ARID1B: variants seen among roughly 807,000 people sequenced by gnomAD.
The protein encoded by ARID1B is AT-rich interaction domain 1B, also known as AT-rich interactive domain-containing protein 1B.
A neutral mutation model predicts 212.3 loss-of-function variants in ARID1B; 30 were observed. The observed-to-expected ratio is 0.14, with a 90% CI of 0.11 to 0.19. ARID1B has a LOEUF of 0.19. Among genes scored for constraint, ARID1B ranks in the 10% least tolerant of loss-of-function variants. The pLI, the probability that ARID1B is intolerant of heterozygous loss-of-function variation, is 1.00. For missense variants in ARID1B, 2,891 were observed against 3,204.0 expected, an observed-to-expected ratio of 0.90 and a Z score of 2.36; for synonymous variants, 1,402 against 1,301.7, an observed-to-expected ratio of 1.08 and a Z score of -1.66.
intron 6 of ARID1B, among the ~76,000 whole-genome samples, chr6:157,117,578 C>T (rs1051333664): frequency 6.6e-6 from 1 of 152,174 alleles, no homozygotes; most frequent in Admixed American, 6.5e-5. Context: ...GCATGGCCCT[C>T]GGTGTTCATC....
chr6:156,821,180 G>A (rs1031517151), intron 1 of ARID1B, among the ~76,000 whole-genome samples: 1 of 152,340 alleles, frequency 6.6e-6, no homozygotes, highest in Admixed American at 6.5e-5. Context: ...CGGAGATAAA[G>A]ACCAACTTCT....
At chr6:156,929,145 G>A (rs1000140164) in intron 3 of ARID1B, among the ~76,000 whole-genome samples, 1 of 152,146 alleles carries the variant, frequency 6.6e-6, no homozygotes, top group African/African-American at 2.4e-5. Flanking sequence ...TCTTGTGGTG[G>A]TGTCGTTAGG....
In ARID1B at chr6:157,106,104, A is replaced by C. The variant is rs138175220; in HGVS notation, c.2492-4368A>C. Among the ~76,000 whole-genome samples the C allele has an allele frequency of 2.6e-3, 396 of 152,224 alleles. 3 individuals carry two copies. Among genetic ancestry groups the C allele is most frequent in the African/African-American group, 9.0e-3 (373 of 41,528 alleles). On this transcript the variant is annotated intron_variant, in intron 5 of 19. Coordinates refer to ENST00000636930, the MANE Select transcript of ARID1B (RefSeq NM_001374828.1). ...ACCCCAGCAATACAAAAATACATCC[A>C]CAAAAGACTGGAAACTGTCTAAATG...
intron 1 of ARID1B, among the ~76,000 whole-genome samples, chr6:156,809,280 T>C (rs1480792613): frequency 1.3e-5 from 2 of 152,176 alleles, no homozygotes; most frequent in Non-Finnish European, 2.9e-5. Context: ...TCATGTGCTA[T>C]GTGAGAGATG....
chr6:156,988,725 T>A (rs2128399264), intron 4 of ARID1B, among the ~76,000 whole-genome samples: 1 of 152,278 alleles, frequency 6.6e-6, no homozygotes, highest in East Asian at 1.9e-4. Context: ...GGAAGTGCGC[T>A]TCAATCACTT....
In ARID1B at chr6:157,203,748, G is replaced by A; in HGVS notation, c.5264-118G>A. 1 of 1,276,976 alleles carries A rather than the reference G, an allele frequency of 7.8e-7. No individual in the cohort carries two copies. The highest frequency in any genetic ancestry group is 1.1e-6 in the Non-Finnish European group (1 of 897,798). 79.1% of individuals were successfully genotyped at this position (1,276,976 alleles called of 1,614,324 possible). ...CGCTTAACTGTCCTTGAGAGCATTT[G>A]TTTAAAGTCAATATTTAACTTAACA... On this transcript the variant is annotated intron_variant, in intron 18 of 19. Coordinates refer to ENST00000636930, the MANE Select transcript of ARID1B (RefSeq NM_001374828.1). The surrounding 1 kb of genome is among the most constrained non-coding windows in gnomAD (Gnocchi z 4.4).
In ARID1B at chr6:157,011,328, A is replaced by G. The variant is rs531726316; in HGVS notation, c.2248-73334A>G. On this transcript the variant is annotated intron_variant, in intron 4 of 19. Coordinates refer to ENST00000636930, the MANE Select transcript of ARID1B (RefSeq NM_001374828.1). ...TAATTAATTGTCCAAAAAGTATTGT[A>G]GTTCTATGATAAATTCCCTTGCATA... Among the ~76,000 whole-genome samples the G allele has an allele frequency of 5.9e-5, 9 of 152,346 alleles. No individual in the cohort carries two copies. In the East Asian group the frequency reaches 1.7e-3, roughly 29 times the overall value.
In ARID1B at chr6:156,778,545, G is replaced by A. The variant is rs1271569386; in HGVS notation, c.865G>A (p.Gly289Ser). ...CGGCCGCTACGAGCACCCGGGCTTGGGCGCCCTGGGCACGCAGCAGCCGCC... is the reference window on the plus strand; with the variant it reads ...CGGCCGCTACGAGCACCCGGGCTTGAGCGCCCTGGGCACGCAGCAGCCGCC... ...AGGRYEHPGLGALGTQQPPVA... is the reference protein window; with the variant it reads ...AGGRYEHPGLSALGTQQPPVA... Residue 289 changes from glycine to serine, a missense_variant, in exon 1 of 20, where the codon GGC becomes AGC. By Grantham distance (56) the Gly-to-Ser change is moderately conservative. Transcript: ENST00000636930. 2.5e-5 allele frequency: 31 copies of A among 1,231,594 alleles called. No homozygotes were observed. The highest frequency in any genetic ancestry group is 3.7e-5 in the South Asian group (1 of 27,028). The allele number at this position is 1,231,594 out of a possible 1,614,324, so 76.3% of individuals were successfully genotyped here. A position where few individuals can be genotyped will look rare whatever the true frequency, so the allele number is the denominator to read the frequency against.
chr6:157,004,253 G>A (rs1306267964), intron 4 of ARID1B, among the ~76,000 whole-genome samples: 1 of 152,074 alleles, frequency 6.6e-6, no homozygotes, highest in African/African-American at 2.4e-5. Context: ...CACATGCTAC[G>A]ATGTTTTCCA....
chr6:156,824,754 G>C (rs1057058196), intron 1 of ARID1B, among the ~76,000 whole-genome samples: 2 of 152,110 alleles, frequency 1.3e-5, no homozygotes, highest in African/African-American at 4.8e-5. Context: ...GACAGAGCGA[G>C]ACCCTGTCTC....
At position 157,148,697 on chromosome 6, in the gene ARID1B, T is replaced by A. The variant is rs1789975343; in HGVS notation, c.2835T>A (p.Gly945=). Residue 945 remains glycine, a synonymous_variant, in exon 8 of 20, where the codon GGT becomes GGA. Coordinates refer to ENST00000636930, the MANE Select transcript of ARID1B (RefSeq NM_001374828.1). The surrounding 1 kb of genome is among the most constrained non-coding windows in gnomAD (Gnocchi z 5.6). ...ACAGCGGCCCAGGGCCCGGTATGGG[T>A]ATCAGTGCCAACAACCAGATGCATG... The part of the protein sequence containing the change: ...ASYSGPGPGM[G]ISANNQMHGQ... The A allele has an allele frequency of 6.2e-7, 1 of 1,612,888 alleles. No homozygotes were observed. The highest frequency in any genetic ancestry group is 8.5e-7 in the Non-Finnish European group (1 of 1,179,822).
At chr6:157,042,783 C>G (rs549530930) in intron 4 of ARID1B, among the ~76,000 whole-genome samples, 1 of 151,968 alleles carries the variant, frequency 6.6e-6, no homozygotes, top group South Asian at 2.1e-4. Flanking sequence ...CTCAGCCTCC[C>G]AAGTAGCTGG....
chr6:156,820,625 A>G (rs1782287622), intron 1 of ARID1B, among the ~76,000 whole-genome samples: 1 of 152,230 alleles, frequency 6.6e-6, no homozygotes, highest in South Asian at 2.1e-4. Context: ...GTGTGACCGT[A>G]TTCTGTTGAA....
intron 1 of ARID1B, among the ~76,000 whole-genome samples, chr6:156,785,210 C>T: frequency 6.6e-6 from 1 of 152,202 alleles, no homozygotes; most frequent in East Asian, 1.9e-4. Flanking sequence ...TTACCAGGCA[C>T]CAGACTAAAG....
chr6:156,961,379 C>T (rs150268643), intron 4 of ARID1B, among the ~76,000 whole-genome samples: 195 of 152,276 alleles, frequency 1.3e-3, no homozygotes, highest in Middle Eastern at 6.8e-3. Flanking sequence ...ATGAAATCAC[C>T]GGTCAGGCTG....
At chr6:157,021,965 C>G (rs1488362286) in intron 4 of ARID1B, among the ~76,000 whole-genome samples, 5 of 152,226 alleles carry the variant, frequency 3.3e-5, no homozygotes, top group African/African-American at 9.6e-5. Context: ...TTTTCCCCTA[C>G]TTCCTTTGGT....
In ARID1B at chr6:157,200,615, C is replaced by T; in HGVS notation, c.4480-90C>T. ...CCATATTCATTTTGAAATGAACATT[C>T]TAGCAGGTAATAACTATTTTGCATA... is the stretch of plus-strand genomic sequence containing the variant. On this transcript the variant is annotated intron_variant, in intron 17 of 19. Coordinates refer to ENST00000636930, the MANE Select transcript of ARID1B (RefSeq NM_001374828.1). The surrounding 1 kb of genome is among the most constrained non-coding windows in gnomAD (Gnocchi z 4.3). 7.1e-7 allele frequency: 1 copy of T among 1,412,218 alleles called. No individual in the cohort carries two copies. The highest frequency in any genetic ancestry group is 2.3e-5 in the Admixed American group (1 of 43,568). The allele number at this position is 1,412,218 out of a possible 1,614,324, so 87.5% of individuals were successfully genotyped here.
At chr6:157,156,381 T>C (rs1790576919) in intron 8 of ARID1B, among the ~76,000 whole-genome samples, 1 of 152,238 alleles carries the variant, frequency 6.6e-6, no homozygotes, top group African/African-American at 2.4e-5. Context: ...CTTTTTTCTC[T>C]TCAAAATTTA....
chr6:156,846,077 C>G (rs985230709), intron 2 of ARID1B, among the ~76,000 whole-genome samples: 2 of 152,082 alleles, frequency 1.3e-5, no homozygotes, highest in African/African-American at 4.8e-5. Context: ...TTGAAGGGCT[C>G]CTCTGCAGTG....
Sources: gnomAD v4.1 joint callset for allele counts (sites outside exome capture counted in the v4.1 genomes callset) on GRCh38, gnomAD v4.1.1 for gene constraint, Gnocchi (gnomAD v3.1) non-coding constraint, MANE v1.5 for transcripts, NCBI Gene and HGNC (gene_info 2026-07-23, HGNC 2026-07-21) for gene names.